The following TSEN15 variants were observed in gnomAD, a reference collection of about 807,000 sequenced individuals.
TSEN15 encodes the protein tRNA splicing endonuclease subunit 15, also known as tRNA-splicing endonuclease subunit Sen15.
Under a neutral mutation model 20.5 loss-of-function variants are expected in TSEN15, and 10 were observed. That is an observed-to-expected ratio of 0.49 (90% CI 0.30 to 0.83). The LOEUF is 0.83. Ranked by LOEUF, TSEN15 falls within the 40% of genes least tolerant of loss-of-function variation. The pLI is 0.06. For synonymous variants in TSEN15, 72 were observed against 80.1 expected (o/e 0.90, Z 0.54); for missense variants, 180 against 218.6 (o/e 0.82, Z 1.11).
At chr1:184,088,382 T>C (rs1036987701) in intron 3 of TSEN15, among the ~76,000 whole-genome samples, 1 of 152,144 alleles carries the variant, frequency 6.6e-6, no homozygotes, top group Non-Finnish European at 1.5e-5. Flanking sequence ...GGTCTTTTTG[T>C]TGAAAACCTC....
Position 184,051,788 on chromosome 1 carries a change from C to T in TSEN15, c.33C>T (p.Pro11=). Reference sequence around the variant, plus strand: ...AGCGCGGCGATTCCGAGCCGACCCCCGGCTGCAGCGGCCTGGGTCCGGGCG... The same window carrying T: ...AGCGCGGCGATTCCGAGCCGACCCCTGGCTGCAGCGGCCTGGGTCCGGGCG... MEERGDSEPT[P]GCSGLGPGGV... Residue 11 remains proline (P), a synonymous_variant, in exon 1 of 5, where the codon CCC becomes CCT. Coordinates refer to ENST00000645668, the MANE Select transcript of TSEN15 (RefSeq NM_052965.4). The T allele has an allele frequency of 1.3e-6, 2 of 1,521,078 alleles. No individual in the cohort carries two copies. The highest frequency in any genetic ancestry group is 8.8e-7 in the Non-Finnish European group (1 of 1,134,882). The allele number at this position is 1,521,078 out of a possible 1,614,324, so 94.2% of individuals were successfully genotyped here.
chr1:184,067,412 C>A (rs1001539191), intron 3 of TSEN15, among the ~76,000 whole-genome samples: 5 of 152,082 alleles, frequency 3.3e-5, no homozygotes, highest in Non-Finnish European at 7.4e-5. Context: ...AAAGTAAGTT[C>A]CCTGAAAGTG....
chr1:184,088,106 C>T (rs1054947322), intron 3 of TSEN15, among the ~76,000 whole-genome samples: 20 of 152,068 alleles, frequency 1.3e-4, no homozygotes, highest in African/African-American at 3.4e-4. Flanking sequence ...GAAGAAAGAC[C>T]GGAGCCACCT....
At chr1:184,072,004 G>A in intron 3 of TSEN15, 153 bp from the exon 4 acceptor site, 1 of 627,042 alleles carries the variant, frequency 1.6e-6, no homozygotes, top group Non-Finnish European at 2.6e-6. Context: ...TATACCAGAA[G>A]ACTCTGATGT....
intron 3 of TSEN15, among the ~76,000 whole-genome samples, chr1:184,067,944 ATATATATAT>A (rs1650741643): frequency 1.4e-5 from 1 of 70,106 alleles, no homozygotes; most frequent in African/African-American, 6.0e-5. Flanking sequence ...AAAAAAAAAT[ATATATATAT>A]ATATATATAT....
chr1:184,054,001 A>C (rs574196918), intron 1 of TSEN15, among the ~76,000 whole-genome samples: 1 of 152,314 alleles, frequency 6.6e-6, no homozygotes, highest in South Asian at 2.1e-4. Context: ...TACTTAAATC[A>C]TAATGTTCTT....
rs1650097217 is a variant in TSEN15 at position 184,052,614 on chromosome 1, A to G, written c.135+724A>G. ...TTTAACAGAATTGCACTCTTCTGCT[A>G]GAGAGCAATAATTCATAATCATCTA... On this transcript the variant is annotated intron_variant, in intron 1 of 4. Coordinates refer to ENST00000645668, the MANE Select transcript of TSEN15 (RefSeq NM_052965.4). Among the ~76,000 whole-genome samples, 3 of 152,304 alleles carry G rather than the reference A, an allele frequency of 2.0e-5. 1 individual carries two copies. In the South Asian group the frequency reaches 6.2e-4, roughly 32 times the overall value.
At chr1:184,057,789 C>G (rs1000605380) in intron 3 of TSEN15, among the ~76,000 whole-genome samples, 2 of 152,094 alleles carry the variant, frequency 1.3e-5, no homozygotes, top group Non-Finnish European at 1.5e-5. Context: ...TATTCATATG[C>G]TTCTTTGAGA....
At chr1:184,088,494 G>T (rs1557891160) in intron 3 of TSEN15, among the ~76,000 whole-genome samples, 1 of 151,980 alleles carries the variant, frequency 6.6e-6, no homozygotes, top group Non-Finnish European at 1.5e-5. Context: ...AAGAAGAAAA[G>T]AATTCCTGCC....
At chr1:184,068,558 A>T (rs918094679) in intron 3 of TSEN15, among the ~76,000 whole-genome samples, 12 of 152,064 alleles carry the variant, frequency 7.9e-5, no homozygotes, top group African/African-American at 2.9e-4. Flanking sequence ...TTACAGAATG[A>T]CTTCCCACTG....
At chr1:184,076,149 A>T (rs77861954), downstream of TSEN15, among the ~76,000 whole-genome samples, 498 of 152,022 alleles carry the variant, frequency 3.3e-3, 6 homozygotes, top group Admixed American at 0.019. Context: ...TGTGTTTTTT[A>T]CAAATTGAAG....
In TSEN15 at chr1:184,072,232, A is replaced by G. The variant is rs923338506; in HGVS notation, c.429A>G (p.Ile143Met). 8 of 1,613,498 alleles carry G rather than the reference A, an allele frequency of 5.0e-6. No individual in the cohort carries two copies. The highest frequency in any genetic ancestry group is 6.8e-6 in the Non-Finnish European group (8 of 1,179,646). ...PDLPMSFTLAIVESDSTIVYY... is the reference protein window; with the variant it reads ...PDLPMSFTLAMVESDSTIVYY... ...TGCCGATGTCTTTTACTTTGGCCAT[A>G]GTGGAGTCTGATTCTACAATAGTCT... The change falls in exon 4 of 5, where the codon ATA (isoleucine) becomes ATG (methionine). Residue 143 changes from isoleucine (I) to methionine (M), a missense_variant. Physicochemically the swap from Ile to Met is conservative, Grantham distance 10. Around this residue, in one of 3 missense-constraint regions of TSEN15, gnomAD observed 76 missense variants for 123.4 expected, o/e 0.62. Transcript: ENST00000645668.
chr1:184,070,970 A>C (rs1218544018), intron 3 of TSEN15: 1 of 159,178 alleles, frequency 6.3e-6, no homozygotes, highest in Non-Finnish European at 1.4e-5. Flanking sequence ...ATTCAGTTTT[A>C]GCAATAATCA....
chr1:184,075,814 G>A (rs547764915), downstream of TSEN15, among the ~76,000 whole-genome samples: 1 of 151,566 alleles, frequency 6.6e-6, no homozygotes, highest in African/African-American at 2.4e-5. Context: ...TATGTGACTT[G>A]ATTCATGCTT....
intron 3 of TSEN15, among the ~76,000 whole-genome samples, chr1:184,080,258 C>T (rs1266609046): frequency 6.6e-6 from 1 of 152,146 alleles, no homozygotes; most frequent in Non-Finnish European, 1.5e-5. Flanking sequence ...TCTTGATGCT[C>T]ACAACAGAGC....
chr1:184,051,930 C>T, intron 1 of TSEN15, 40 bp downstream of exon 1: 2 of 1,478,686 alleles, frequency 1.4e-6, no homozygotes, highest in African/African-American at 1.4e-5. Context: ...GTCCAGGCCC[C>T]TAACCCAGGC....
intron 3 of TSEN15, among the ~76,000 whole-genome samples, chr1:184,061,834 T>C (rs144293107): frequency 4.3e-4 from 66 of 152,304 alleles, no homozygotes; most frequent in African/African-American, 1.6e-3. Context: ...TTTACATACT[T>C]TCTGGCAAGA....
intron 3 of TSEN15, among the ~76,000 whole-genome samples, chr1:184,090,550 T>A (rs1464564363): frequency 6.6e-6 from 1 of 152,226 alleles, no homozygotes; most frequent in Admixed American, 6.5e-5. Flanking sequence ...TCATGTGTGC[T>A]ATAGAAGCAG....
At chr1:184,055,134 G>C in intron 3 of TSEN15, 1 of 281,868 alleles carries the variant, frequency 3.5e-6, no homozygotes, top group South Asian at 1.1e-4. Flanking sequence ...CATGGTGCTG[G>C]CATCTACTCG....
Sources: allele counts gnomAD v4.1 joint callset (sites outside exome capture counted in the v4.1 genomes callset), GRCh38; gene constraint gnomAD v4.1.1; regional missense constraint gnomAD v4.1.1; transcripts MANE v1.5; gene names NCBI Gene and HGNC (gene_info 2026-07-23, HGNC 2026-07-21).